Variants in NKAIN3 observed in about 807,000 individuals in gnomAD.
NKAIN3 encodes the protein sodium/potassium transporting ATPase interacting 3.
In NKAIN3, 25 loss-of-function variants were observed where a neutral mutation model predicts 30.2. The ratio of observed to expected loss-of-function variants is 0.83; its 90% confidence interval spans 0.60 to 1.16. NKAIN3 has a LOEUF of 1.16. Among genes scored for constraint, NKAIN3 ranks in the 50% most tolerant of loss-of-function variants. The pLI is 0.00. For synonymous variants in NKAIN3, 91 were observed against 89.6 expected (o/e 1.02, Z -0.09); for missense variants, 225 against 254.1 (o/e 0.89, Z 0.78).
At chr8:62,269,853 A>C (rs754066178) in intron 1 of NKAIN3, among the ~76,000 whole-genome samples, 13 of 152,246 alleles carry the variant, frequency 8.5e-5, no homozygotes, top group Non-Finnish European at 1.3e-4. Context: ...TAATTTCACG[A>C]GATTCACTGT....
intron 3 of NKAIN3, among the ~76,000 whole-genome samples, chr8:62,590,149 G>C (rs577009718): frequency 1.1e-4 from 17 of 151,828 alleles, no homozygotes; most frequent in African/African-American, 4.1e-4. Flanking sequence ...ACATGCTTGT[G>C]TTTAAAGTAG....
rs1824020731 is a variant in NKAIN3, at chr8:62,979,229, G to A, written c.*13822G>A. 6.6e-6 allele frequency: 1 copy of A among 152,160 alleles called. No individual in the cohort carries two copies. The allele number at this position is 152,160 out of a possible 1,614,324, so 9.4% of individuals were successfully genotyped here. A position where few individuals can be genotyped will look rare whatever the true frequency, so the allele number is the denominator to read the frequency against. ...CTAGGCTGGGTGTGTGTGTGTGAAAGAGAGAGAGAAACAGAAACAGAGACA... is the reference window on the plus strand; with the variant it reads ...CTAGGCTGGGTGTGTGTGTGTGAAAAAGAGAGAGAAACAGAAACAGAGACA... On this transcript the variant is annotated 3_prime_UTR_variant, in exon 7 of 7. Coordinates refer to ENST00000623646, the MANE Select transcript of NKAIN3 (RefSeq NM_001304533.3).
At chr8:62,795,058 A>C (rs1817819712) in intron 4 of NKAIN3, among the ~76,000 whole-genome samples, 2 of 152,294 alleles carry the variant, frequency 1.3e-5, no homozygotes, top group Admixed American at 1.3e-4. Flanking sequence ...GTAGAGAGCA[A>C]GGTCCAGGAA....
At chr8:62,496,495 T>A (rs1021692002) in intron 1 of NKAIN3, among the ~76,000 whole-genome samples, 6 of 152,146 alleles carry the variant, frequency 3.9e-5, no homozygotes, top group Non-Finnish European at 7.4e-5. Context: ...GGAAAAGCAA[T>A]TCCATGGATC....
chr8:62,608,031 CT>C (rs1423444009), intron 3 of NKAIN3, among the ~76,000 whole-genome samples: 7 of 152,064 alleles, frequency 4.6e-5, no homozygotes, highest in African/African-American at 9.7e-5. Context: ...TTGTGTTAAA[CT>C]TTTAATATGA....
At chr8:62,885,097 C>A (rs1331703016) in intron 4 of NKAIN3, among the ~76,000 whole-genome samples, 1 of 151,900 alleles carries the variant, frequency 6.6e-6, no homozygotes, top group African/African-American at 2.4e-5. Context: ...TTATATGTTG[C>A]TTTTATCTAA....
chr8:62,801,484 C>T (rs1210628345), intron 4 of NKAIN3, among the ~76,000 whole-genome samples: 1 of 152,222 alleles, frequency 6.6e-6, no homozygotes, highest in African/African-American at 2.4e-5. Flanking sequence ...TCTGCAGCCA[C>T]CGCTGCTGAT....
intron 6 of NKAIN3, among the ~76,000 whole-genome samples, chr8:62,956,216 A>G (rs1286540696): frequency 2.0e-5 from 3 of 152,162 alleles, no homozygotes; most frequent in Admixed American, 1.3e-4. Context: ...ATCACTACCC[A>G]GCAACAGCTT....
intron 1 of NKAIN3, among the ~76,000 whole-genome samples, chr8:62,401,013 T>TTCTCCCTCTCTCTCTCTCTCTCTCTCTC (rs1803847547): frequency 7.0e-6 from 1 of 143,744 alleles, no homozygotes; most frequent in Non-Finnish European, 1.5e-5. Flanking sequence ...CTTTCTACCT[T>TTCTCCCTCTCTCTCTCTCTCTCTCTCTC]TCTCTCACTC....
chr8:62,351,724 T>C (rs1175025134), intron 1 of NKAIN3, among the ~76,000 whole-genome samples: 1 of 152,180 alleles, frequency 6.6e-6, no homozygotes, highest in Non-Finnish European at 1.5e-5. Context: ...AGCATCATAA[T>C]ATGAAATTGA....
chr8:62,707,805 C>A (rs982434619), intron 3 of NKAIN3, among the ~76,000 whole-genome samples: 2 of 152,098 alleles, frequency 1.3e-5, no homozygotes, highest in African/African-American at 4.8e-5. Flanking sequence ...TCGCCAAAGC[C>A]AATGTCTAGA....
At chr8:62,929,652 A>G (rs1309374830) in intron 5 of NKAIN3, among the ~76,000 whole-genome samples, 2 of 152,130 alleles carry the variant, frequency 1.3e-5, no homozygotes, top group African/African-American at 4.8e-5. Flanking sequence ...TTCTATTAAT[A>G]TCTACTCAGG....
chr8:62,258,896 G>A (rs1812342045), intron 1 of NKAIN3, among the ~76,000 whole-genome samples: 1 of 152,122 alleles, frequency 6.6e-6, no homozygotes, highest in Admixed American at 6.5e-5. Flanking sequence ...CAGCAGATCA[G>A]CAACAATGAA....
rs1303305110 is a variant in NKAIN3 at position 62,971,005 on chromosome 8, C to T, written c.*5598C>T. On this transcript the variant is annotated 3_prime_UTR_variant, in exon 7 of 7. Coordinates refer to ENST00000623646, the MANE Select transcript of NKAIN3 (RefSeq NM_001304533.3). The stretch of plus-strand genomic sequence containing the variant: ...TAGAGGTCTATTTCTCTTTTTATTT[C>T]GAAATTCTGGAGACAGTCAGCAAAG... 1.3e-5 allele frequency among the ~76,000 whole-genome samples: 2 copies of T among 152,070 alleles called. No homozygotes were observed. The highest frequency in any genetic ancestry group is 1.3e-4 in the Admixed American group (2 of 15,270).
At chr8:62,387,979 T>A (rs1335704572) in intron 1 of NKAIN3, among the ~76,000 whole-genome samples, 1 of 152,210 alleles carries the variant, frequency 6.6e-6, no homozygotes, top group African/African-American at 2.4e-5. Flanking sequence ...TTCAAACATC[T>A]TCCCATAGGC....
At chr8:62,902,735 T>C (rs1465203912) in intron 4 of NKAIN3, among the ~76,000 whole-genome samples, 8 of 152,178 alleles carry the variant, frequency 5.3e-5, no homozygotes, top group Admixed American at 5.2e-4. Flanking sequence ...AATGACCTCA[T>C]AACACTCAGA....
At chr8:62,282,533 G>C (rs540241484) in intron 1 of NKAIN3, among the ~76,000 whole-genome samples, 4 of 152,224 alleles carry the variant, frequency 2.6e-5, no homozygotes, top group Middle Eastern at 3.4e-3. Context: ...GGGAGCGATC[G>C]ATCTTTATCA....
chr8:62,787,576 C>A (rs944179880), intron 4 of NKAIN3, among the ~76,000 whole-genome samples: 1 of 152,088 alleles, frequency 6.6e-6, no homozygotes, highest in Non-Finnish European at 1.5e-5. Flanking sequence ...ATATGCACAA[C>A]GTGCAGATTT....
chr8:62,423,038 CA>C (rs1804692620), intron 1 of NKAIN3, among the ~76,000 whole-genome samples: 1 of 152,062 alleles, frequency 6.6e-6, no homozygotes, highest in East Asian at 1.9e-4. Flanking sequence ...TTCCTTCTAA[CA>C]GTGGTTTTTC....
Sources: allele counts gnomAD v4.1 joint callset (sites outside exome capture counted in the v4.1 genomes callset), GRCh38; gene constraint gnomAD v4.1.1; transcripts MANE v1.5; gene names NCBI Gene and HGNC (gene_info 2026-07-23, HGNC 2026-07-21).